The following SHF variants were observed in gnomAD, a reference collection of about 807,000 sequenced individuals.
SHF encodes SH2 domain-containing adapter protein F.
A neutral mutation model predicts 42.4 loss-of-function variants in SHF; 30 were observed. The observed-to-expected ratio is 0.71, with a 90% CI of 0.53 to 0.96. The LOEUF is 0.96. Ranked by LOEUF, SHF falls within the 40% of genes least tolerant of loss-of-function variation. The probability of loss-of-function intolerance (pLI) is 0.00; values close to 1 mark genes in which losing one functional copy is unlikely to be tolerated. For synonymous variants in SHF, 264 were observed against 269.9 expected, an observed-to-expected ratio of 0.98 and a Z score of 0.21; for missense variants, 598 against 634.0, an observed-to-expected ratio of 0.94 and a Z score of 0.61.
chr15:45,184,778 G>A (rs1898299075), intron 1 of SHF, among the ~76,000 whole-genome samples: 1 of 152,248 alleles, frequency 6.6e-6, no homozygotes, highest in Non-Finnish European at 1.5e-5. Flanking sequence ...GGGGCCAGAC[G>A]AGGGCCCAGC....
intron 1 of SHF, among the ~76,000 whole-genome samples, chr15:45,181,494 C>G (rs1244471622): frequency 1.3e-5 from 2 of 152,220 alleles, no homozygotes; most frequent in African/African-American, 4.8e-5. Context: ...CCCCTTTGAC[C>G]TACCCTAATT....
upstream of SHF, among the ~76,000 whole-genome samples, chr15:45,190,196 G>C (rs976816689): frequency 6.6e-6 from 1 of 152,316 alleles, no homozygotes; most frequent in Middle Eastern, 3.4e-3. Flanking sequence ...TGGAGAATCT[G>C]ATGTTGAACT....
At chr15:45,187,381 T>G in intron 1 of SHF, 73 bp downstream of exon 1, 1 of 1,221,858 alleles carries the variant, frequency 8.2e-7, no homozygotes, top group Non-Finnish European at 1.0e-6. Context: ...CCAGGCCACC[T>G]TTGTCCCTCT....
chr15:45,175,079 T>C (rs1897727350), intron 3 of SHF, 140 bp downstream of exon 3: 1 of 901,738 alleles, frequency 1.1e-6, no homozygotes, highest in Non-Finnish European at 1.7e-6. Context: ...CCACCCCCTA[T>C]GGTACAGAAC....
At position 45,175,277 on chromosome 15, in the gene SHF, A is replaced by G. The variant is rs764509189; in HGVS notation, c.789T>C (p.Pro263=). The G allele has an allele frequency of 6.2e-7, 1 of 1,612,174 alleles. No homozygotes were observed. The highest frequency in any genetic ancestry group is 1.1e-5 in the South Asian group (1 of 90,586). ...ACTCCCAGGGCTGGTCATACTCCTC[A>G]GGGGGCCTCTCATCATCCTCTGGCA... ...SRLPEDDERP[P]EEYDQPWEWK... The change falls in exon 3 of 7, where the codon CCT becomes CCC. Residue 263 remains proline, a synonymous_variant. Coordinates refer to ENST00000690270, the MANE Select transcript of SHF (RefSeq NM_001394037.1).
At chr15:45,172,628 T>C (rs1897567494) in intron 4 of SHF, among the ~76,000 whole-genome samples, 1 of 152,194 alleles carries the variant, frequency 6.6e-6, no homozygotes, top group Admixed American at 6.5e-5. Context: ...GCTGACTGCC[T>C]TCCCCCAGTC....
At chr15:45,175,534 C>T in intron 2 of SHF, 109 bp from the exon 3 acceptor site, 1 of 1,149,682 alleles carries the variant, frequency 8.7e-7, no homozygotes, top group Non-Finnish European at 1.2e-6. Context: ...GAGGAGATGC[C>T]CTGGCTCTGG....
In SHF at chr15:45,187,801, G is replaced by A. The variant is rs1898523896; in HGVS notation, c.151C>T (p.Leu51Phe). Residue 51 changes from leucine (L) to phenylalanine (F), a missense_variant, in exon 1 of 7, where the codon CTC becomes TTC. By Grantham distance (22) the Leu-to-Phe change is conservative. Coordinates refer to ENST00000690270, the MANE Select transcript of SHF (RefSeq NM_001394037.1). ...CCGCGGAAGCCCAGGTGCTCCCGGAGCCACTTGGCTACTCCGCCGCTGCCG... is the reference window on the plus strand; with the variant it reads ...CCGCGGAAGCCCAGGTGCTCCCGGAACCACTTGGCTACTCCGCCGCTGCCG... The part of the protein sequence containing the change: ...GGGSGGVAKW[L>F]REHLGFRGGG... 2 of 852,592 alleles carry A rather than the reference G, an allele frequency of 2.3e-6. No individual in the cohort carries two copies. Among genetic ancestry groups the A allele is most frequent in the Non-Finnish European group, 3.1e-6 (2 of 650,416 alleles). The allele number at this position is 852,592 out of a possible 1,614,324, so 52.8% of individuals were successfully genotyped here.
rs572667742 is a variant in SHF at position 45,176,120 on chromosome 15, C to T, written c.641-695G>A. Among the ~76,000 whole-genome samples, 5 of 152,116 alleles carry T rather than the reference C, an allele frequency of 3.3e-5. No homozygotes were observed. In the East Asian group the frequency reaches 5.8e-4, roughly 18 times the overall value. ...CAGGCATTAGCCACCACACCCAGCC[C>T]GCAAGTGATATCATTTGACAATCAC... is the stretch of plus-strand genomic sequence containing the variant. On this transcript the variant is annotated intron_variant, in intron 2 of 6. Coordinates refer to ENST00000690270, the MANE Select transcript of SHF (RefSeq NM_001394037.1).
intron 3 of SHF, 133 bp from the exon 4 acceptor site, chr15:45,173,849 G>A: frequency 1.9e-6 from 2 of 1,079,796 alleles, no homozygotes; most frequent in Non-Finnish European, 2.7e-6. Context: ...GGCAGAGGCA[G>A]AGGCAGGTCA....
intron 6 of SHF, among the ~76,000 whole-genome samples, chr15:45,169,336 C>T (rs1277562864): frequency 2.6e-5 from 4 of 152,146 alleles, no homozygotes; most frequent in Non-Finnish European, 5.9e-5. Flanking sequence ...AGGCCCCAAA[C>T]TCTATCCCTC....
chr15:45,188,718 A>T (rs919777716), upstream of SHF, among the ~76,000 whole-genome samples: 1 of 152,236 alleles, frequency 6.6e-6, no homozygotes, highest in African/African-American at 2.4e-5. Flanking sequence ...TAGCATGCGC[A>T]CGCACGCAGA....
At chr15:45,175,835 T>G (rs1897776984) in intron 2 of SHF, among the ~76,000 whole-genome samples, 1 of 87,714 alleles carries the variant, frequency 1.1e-5, no homozygotes, top group African/African-American at 3.8e-5. Flanking sequence ...TTTTTTTTTT[T>G]TGAGACGGAA....
upstream of SHF, among the ~76,000 whole-genome samples, chr15:45,189,707 G>A (rs955481708): frequency 6.6e-6 from 1 of 151,798 alleles, no homozygotes; most frequent in Non-Finnish European, 1.5e-5. Flanking sequence ...CCTTTTGAGG[G>A]CGCAAAAAGC....
At chr15:45,187,321 G>A (rs998828088) in intron 1 of SHF, 133 bp downstream of exon 1, 3 of 877,828 alleles carry the variant, frequency 3.4e-6, no homozygotes, top group African/African-American at 3.5e-5. Context: ...TCGGAACCCC[G>A]GGGTCAGGGG....
exon 2 of SHF, chr15:45,198,879 A>C: frequency 6.2e-7 from 1 of 1,613,968 alleles, no homozygotes; most frequent in Non-Finnish European, 8.5e-7. Flanking sequence ...GGCTGTGGTG[A>C]TGATGAGATG....
At chr15:45,188,237 C>G (rs1022202335), upstream of SHF, among the ~76,000 whole-genome samples, 1 of 152,154 alleles carries the variant, frequency 6.6e-6, no homozygotes, top group Non-Finnish European at 1.5e-5. Flanking sequence ...GCCACGCGGT[C>G]CCCTGTGGGG....
chr15:45,193,864 G>T (rs1898783806), intron 2 of SHF, among the ~76,000 whole-genome samples: 1 of 151,626 alleles, frequency 6.6e-6, no homozygotes, highest in Non-Finnish European at 1.5e-5. Flanking sequence ...AAGTCAAGAG[G>T]TCAGGAGTTC....
chr15:45,175,137 T>C lies in SHF; in HGVS notation c.847+82A>G, dbSNP rs1897730563. The C allele has an allele frequency of 3.5e-6, 5 of 1,438,250 alleles. No individual in the cohort carries two copies. In the Admixed American group the frequency reaches 7.6e-5, roughly 22 times the overall value. 89.1% of individuals were successfully genotyped at this position (1,438,250 alleles called of 1,614,324 possible). ...CTGATCCTGGGCCTCTCTGGGTTCC[T>C]GGGGTCCACTCCTTCCATTCTCTTG... On this transcript the variant is annotated intron_variant, in intron 3 of 6. Transcript: ENST00000690270.
Sources: gnomAD v4.1 joint callset for allele counts (sites outside exome capture counted in the v4.1 genomes callset) on GRCh38, gnomAD v4.1.1 for gene constraint, MANE v1.5 for transcripts, NCBI Gene and HGNC (gene_info 2026-07-23, HGNC 2026-07-21) for gene names.